The following A1CF variants were observed in gnomAD, a reference collection of about 807,000 sequenced individuals.
A1CF encodes APOBEC1 complementation factor, also known as APOBEC-1 stimulating protein.
Under a neutral mutation model 68.9 loss-of-function variants are expected in A1CF, and 48 were observed. The observed-to-expected ratio is 0.70, with a 90% confidence interval of 0.55 to 0.89. The LOEUF (loss-of-function observed/expected upper bound fraction) is 0.89, where lower values mean the gene tolerates loss of function less well. Ranked by LOEUF, A1CF falls within the 40% of genes least tolerant of loss-of-function variation. A1CF has a pLI of 0.00. For synonymous variants in A1CF, 272 were observed against 260.4 expected (o/e 1.04, Z -0.43); for missense variants, 653 against 718.9 (o/e 0.91, Z 1.05).
In A1CF at chr10:50,803,269, G is replaced by GT. The variant is rs11421997; in HGVS notation, c.*3459dup. ...ACAACTGGCCAATTAAATTAAATTT[G>GT]TTTTTTTTTTTTTTGTAGAGGCGGA... On this transcript the variant is annotated 3_prime_UTR_variant, in exon 13 of 13. Transcript: ENST00000373997. 6,936 of 137,198 alleles carry GT rather than the reference G, an allele frequency of 0.051. 478 individuals are homozygous for GT. Among genetic ancestry groups the GT allele is most frequent in the African/African-American group, 0.16 (6,123 of 37,254 alleles). 8.5% of individuals were successfully genotyped at this position (137,198 alleles called of 1,614,324 possible). A position where few individuals can be genotyped will look rare whatever the true frequency, so the allele number is the denominator to read the frequency against.
chr10:50,827,270 G>T (rs1434144395), intron 7 of A1CF, among the ~76,000 whole-genome samples: 1 of 152,126 alleles, frequency 6.6e-6, no homozygotes, highest in East Asian at 1.9e-4. Context: ...ACTCAGCTCT[G>T]CACCAAGCGG....
At chr10:50,854,800 T>C (rs1379321775) in intron 3 of A1CF, among the ~76,000 whole-genome samples, 1 of 151,750 alleles carries the variant, frequency 6.6e-6, no homozygotes, top group East Asian at 1.9e-4. Flanking sequence ...ACAAAAAATA[T>C]TGATGTTTAT....
intron 10 of A1CF, among the ~76,000 whole-genome samples, chr10:50,812,044 G>C (rs961167279): frequency 6.6e-6 from 1 of 152,150 alleles, no homozygotes; most frequent in Non-Finnish European, 1.5e-5. Flanking sequence ...AGCTGCAATA[G>C]CATGATATTT....
chr10:50,862,650 C>T (rs1339842674), intron 2 of A1CF, among the ~76,000 whole-genome samples: 1 of 152,198 alleles, frequency 6.6e-6, no homozygotes, highest in Non-Finnish European at 1.5e-5. Flanking sequence ...AATCTGCTAA[C>T]TTAGTAAGTT....
Position 50,806,137 on chromosome 10 carries a change from A to T in A1CF, c.*592T>A, listed in dbSNP as rs1027391397. The T allele has an allele frequency of 1.3e-5, 2 of 152,294 alleles. No homozygotes were observed. Among genetic ancestry groups the T allele is most frequent in the African/African-American group, 4.8e-5 (2 of 41,458 alleles). The allele number at this position is 152,294 out of a possible 1,614,324, so 9.4% of individuals were successfully genotyped here. On this transcript the variant is annotated 3_prime_UTR_variant, in exon 13 of 13. Coordinates refer to ENST00000373997, the MANE Select transcript of A1CF (RefSeq NM_014576.4). ...GGGGACAGGAAGATCCTGATCTGTG[A>T]CAAATCGACTGGATGGAATTTTCAG...
At chr10:50,864,771 A>G (rs982033947) in intron 1 of A1CF, among the ~76,000 whole-genome samples, 3 of 151,884 alleles carry the variant, frequency 2.0e-5, no homozygotes, top group African/African-American at 7.3e-5. Context: ...GGCAGGCACC[A>G]CTACGCCTGG....
At position 50,871,937 on chromosome 10, in the gene A1CF, T is replaced by C. The variant is rs567327628; in HGVS notation, c.-93-7857A>G. Among the ~76,000 whole-genome samples the C allele has an allele frequency of 2.6e-5, 4 of 152,126 alleles. No homozygotes were observed. In the South Asian group the frequency reaches 8.3e-4, roughly 32 times the overall value. The stretch of plus-strand genomic sequence containing the variant: ...ATTTGACTACAAAAATATTACAAAC[T>C]TCTGTAATGGCAAAATAAATGAAGT... On this transcript the variant is annotated intron_variant, in intron 1 of 12. Transcript: ENST00000373997.
intron 3 of A1CF, among the ~76,000 whole-genome samples, chr10:50,851,284 G>A (rs1455914754): frequency 2.6e-5 from 4 of 152,182 alleles, no homozygotes; most frequent in Admixed American, 2.0e-4. Context: ...GAGGGTGCTT[G>A]TAAAAGGAAG....
At chr10:50,873,568 G>C (rs1288079241) in intron 1 of A1CF, among the ~76,000 whole-genome samples, 1 of 151,882 alleles carries the variant, frequency 6.6e-6, no homozygotes, top group Non-Finnish European at 1.5e-5. Flanking sequence ...CTCTTTTGGT[G>C]ACACCCATGG....
At chr10:50,860,100 A>C (rs1396402826) in intron 2 of A1CF, 115 bp from the exon 3 acceptor site, 1 of 609,916 alleles carries the variant, frequency 1.6e-6, no homozygotes, top group African/African-American at 1.8e-5. Flanking sequence ...TTAAAGTTAG[A>C]GCAACTAAGA....
intron 3 of A1CF, among the ~76,000 whole-genome samples, chr10:50,859,044 G>A (rs904306165): frequency 3.3e-5 from 5 of 152,236 alleles, no homozygotes; most frequent in African/African-American, 1.2e-4. Flanking sequence ...AATCACACAT[G>A]ACATTTGAAT....
At chr10:50,870,117 G>A (rs1040658691) in intron 1 of A1CF, among the ~76,000 whole-genome samples, 2 of 151,646 alleles carry the variant, frequency 1.3e-5, no homozygotes, top group African/African-American at 4.8e-5. Flanking sequence ...GTATAATTGG[G>A]ATATCTATCA....
chr10:50,825,388 A>G (rs1838871375), intron 7 of A1CF, among the ~76,000 whole-genome samples: 1 of 152,188 alleles, frequency 6.6e-6, no homozygotes, highest in Non-Finnish European at 1.5e-5. Context: ...AAGAGCAGTC[A>G]TGTTTCAGAA....
chr10:50,881,028 C>T (rs943315576), intron 1 of A1CF, among the ~76,000 whole-genome samples: 1 of 150,920 alleles, frequency 6.6e-6, no homozygotes, highest in Non-Finnish European at 1.5e-5. Context: ...CTCACTCTGT[C>T]GCCTAGGCTG....
intron 8 of A1CF, among the ~76,000 whole-genome samples, chr10:50,818,903 A>G (rs939005862): frequency 2.6e-5 from 4 of 151,986 alleles, no homozygotes; most frequent in Non-Finnish European, 5.9e-5. Context: ...GGAATTCACC[A>G]CCTACCAGCT....
At chr10:50,817,234 T>C (rs1449510415) in intron 8 of A1CF, among the ~76,000 whole-genome samples, 1 of 152,224 alleles carries the variant, frequency 6.6e-6, no homozygotes, top group Non-Finnish European at 1.5e-5. Context: ...AAAGCATTTG[T>C]GGCTTTGTTT....
intron 10 of A1CF, among the ~76,000 whole-genome samples, chr10:50,811,470 A>G (rs1838108173): frequency 6.6e-6 from 1 of 152,120 alleles, no homozygotes. Flanking sequence ...TTTGTTTGGA[A>G]TATTTGTTTT....
At chr10:50,837,387 G>T (rs1265017861) in intron 5 of A1CF, among the ~76,000 whole-genome samples, 5 of 152,084 alleles carry the variant, frequency 3.3e-5, no homozygotes, top group Admixed American at 1.3e-4. Flanking sequence ...AGAACATTTG[G>T]CAAAATGTAT....
chr10:50,803,754 TA>T lies in A1CF; in HGVS notation c.*2974del, dbSNP rs1837707750. 1 of 152,236 alleles carries T rather than the reference TA, an allele frequency of 6.6e-6. No homozygotes were observed. Among genetic ancestry groups the T allele is most frequent in the Admixed American group, 6.5e-5 (1 of 15,272 alleles). 9.4% of individuals were successfully genotyped at this position (152,236 alleles called of 1,614,324 possible). ...CTAATTCAAATTTACTGGATGTTCCTAAATTATTGTTTTGTTATTATCACCT... is the reference window on the plus strand; with the variant it reads ...CTAATTCAAATTTACTGGATGTTCCTAATTATTGTTTTGTTATTATCACCT... On this transcript the variant is annotated 3_prime_UTR_variant, in exon 13 of 13. Transcript: ENST00000373997.
Sources: allele counts gnomAD v4.1 joint callset (sites outside exome capture counted in the v4.1 genomes callset), GRCh38; gene constraint gnomAD v4.1.1; transcripts MANE v1.5; gene names NCBI Gene and HGNC (gene_info 2026-07-23, HGNC 2026-07-21).